Variants in PLCL2 observed in about 807,000 individuals in gnomAD.
PLCL2 encodes the protein inactive phospholipase C-like protein 2.
A neutral mutation model predicts 79.6 loss-of-function variants in PLCL2; 4 were observed. The ratio of observed to expected loss-of-function variants is 0.05; its 90% confidence interval spans 0.02 to 0.11. The LOEUF is 0.11. Among genes scored for constraint, PLCL2 ranks in the 10% least tolerant of loss-of-function variants. The probability of loss-of-function intolerance (pLI) is 1.00; values close to 1 mark genes in which losing one functional copy is unlikely to be tolerated. For synonymous variants in PLCL2, 484 were observed against 457.7 expected, an observed-to-expected ratio of 1.06 and a Z score of -0.73; for missense variants, 895 against 1,291.0, an observed-to-expected ratio of 0.69 and a Z score of 4.70.
In PLCL2 at chr3:17,010,592, A is replaced by G; in HGVS notation, c.1246A>G (p.Ile416Val). The G allele has an allele frequency of 1.2e-6, 2 of 1,614,188 alleles. No individual in the cohort carries two copies. The highest frequency in any genetic ancestry group is 1.7e-6 in the Non-Finnish European group (2 of 1,180,024). Residue 416 changes from isoleucine (I) to valine (V), a missense_variant, in exon 2 of 6, where the codon ATA becomes GTA. Ile to Val is a conservative substitution (Grantham distance 29). This residue lies in a region of PLCL2 where 242 missense variants were observed against 399.5 expected (regional missense o/e 0.61). Coordinates refer to ENST00000615277, the MANE Select transcript of PLCL2 (RefSeq NM_001144382.2). The surrounding 1 kb of genome is among the most constrained non-coding windows in gnomAD (Gnocchi z 5.8). ...TTACCTTATGTCACCTGACTGTTAT[A>G]TATTCGATCCAGAACATAAGAAGGT... The part of the protein sequence containing the change: ...TNYLMSPDCY[I>V]FDPEHKKVCQ...
At chr3:17,001,320 C>T (rs2064208902) in intron 1 of PLCL2, among the ~76,000 whole-genome samples, 1 of 152,010 alleles carries the variant, frequency 6.6e-6, no homozygotes, top group African/African-American at 2.4e-5. Flanking sequence ...TCTGTAGACT[C>T]TCTCTTTTCA....
At chr3:16,946,519 G>A (rs2063601839) in intron 1 of PLCL2, among the ~76,000 whole-genome samples, 1 of 152,010 alleles carries the variant, frequency 6.6e-6, no homozygotes, top group Non-Finnish European at 1.5e-5. Context: ...TTACATTGTG[G>A]ATTAAATAGG....
At position 17,007,713 on chromosome 3, in the gene PLCL2, G is replaced by C. The variant is rs1012645751; in HGVS notation, c.328-1961G>C. Among the ~76,000 whole-genome samples, 82 of 152,200 alleles carry C rather than the reference G, an allele frequency of 5.4e-4. 3 individuals are homozygous for C. The highest frequency in any genetic ancestry group is 1.1e-3 in the Non-Finnish European group (73 of 68,040). On this transcript the variant is annotated intron_variant, in intron 1 of 5. Transcript: ENST00000615277. ...AAAGTGGTTTTAAATTTCAGAGATA[G>C]AGTATAGCATAATAGCTTTTTAAAA...
At chr3:16,946,462 A>G (rs1046423335) in intron 1 of PLCL2, among the ~76,000 whole-genome samples, 1 of 152,064 alleles carries the variant, frequency 6.6e-6, no homozygotes, top group Non-Finnish European at 1.5e-5. Flanking sequence ...TAGTATTTCA[A>G]CAGTAATTTT....
chr3:16,991,068 G>T (rs535366801), intron 1 of PLCL2, among the ~76,000 whole-genome samples: 114 of 152,270 alleles, frequency 7.5e-4, no homozygotes, highest in African/African-American at 2.6e-3. Context: ...CCCATTCCCC[G>T]GCTTTGCCCT....
At chr3:16,933,211 C>T (rs1284593360) in intron 1 of PLCL2, 2 of 154,828 alleles carry the variant, frequency 1.3e-5, no homozygotes, top group African/African-American at 2.4e-5. Flanking sequence ...CAGCAGTGCT[C>T]CCCTGTGACG....
chr3:17,037,469 GT>G (rs575499155), intron 3 of PLCL2, among the ~76,000 whole-genome samples: 1 of 152,252 alleles, frequency 6.6e-6, no homozygotes, highest in Middle Eastern at 3.4e-3. Context: ...AAAGAACAAA[GT>G]TTTTTTACTG....
chr3:16,978,252 G>T (rs1230916191), intron 1 of PLCL2, among the ~76,000 whole-genome samples: 2 of 152,188 alleles, frequency 1.3e-5, no homozygotes, highest in Non-Finnish European at 2.9e-5. Flanking sequence ...ATTGTTGAGA[G>T]GTGGACAACT....
intron 1 of PLCL2, among the ~76,000 whole-genome samples, chr3:16,897,237 T>A (rs1235552266): frequency 5.9e-5 from 9 of 151,860 alleles, no homozygotes; most frequent in Admixed American, 5.9e-4. Context: ...ATTTTATATG[T>A]GAAAATGACA....
intron 3 of PLCL2, among the ~76,000 whole-genome samples, chr3:17,037,409 T>C (rs2064669334): frequency 6.6e-6 from 1 of 152,218 alleles, no homozygotes; most frequent in African/African-American, 2.4e-5. Context: ...TTTTTTGAGT[T>C]TGGAAAGATA....
chr3:17,049,672 T>A (rs1249981696), intron 4 of PLCL2, among the ~76,000 whole-genome samples: 1 of 151,918 alleles, frequency 6.6e-6, no homozygotes, highest in Non-Finnish European at 1.5e-5. Context: ...TGAAAGAAAT[T>A]AAAGAGGGCA....
At chr3:16,896,962 G>T (rs1696496377) in intron 1 of PLCL2, among the ~76,000 whole-genome samples, 1 of 152,264 alleles carries the variant, frequency 6.6e-6, no homozygotes, top group Middle Eastern at 3.4e-3. Flanking sequence ...TATAGCCAGG[G>T]TTAACAACAG....
intron 1 of PLCL2, among the ~76,000 whole-genome samples, chr3:16,932,449 A>T (rs1167726307): frequency 1.3e-5 from 2 of 152,216 alleles, no homozygotes; most frequent in Non-Finnish European, 2.9e-5. Context: ...TGTCTTAGAT[A>T]ATATTGAATT....
At chr3:17,079,996 G>A (rs1338632317) in intron 5 of PLCL2, among the ~76,000 whole-genome samples, 3 of 152,230 alleles carry the variant, frequency 2.0e-5, no homozygotes, top group African/African-American at 2.4e-5. Context: ...TCTCCTTTCC[G>A]CTCCTGCACA....
At chr3:17,059,741 G>A (rs1207647613) in intron 4 of PLCL2, among the ~76,000 whole-genome samples, 4 of 152,128 alleles carry the variant, frequency 2.6e-5, no homozygotes, top group African/African-American at 9.7e-5. Flanking sequence ...CTGAGAAGGG[G>A]AGGGAAACAA....
intron 1 of PLCL2, among the ~76,000 whole-genome samples, chr3:16,924,504 G>C (rs1334120732): frequency 2.6e-5 from 4 of 152,186 alleles, no homozygotes; most frequent in Non-Finnish European, 5.9e-5. Context: ...TGAACCAGCA[G>C]TTTACAACTC....
intron 5 of PLCL2, among the ~76,000 whole-genome samples, chr3:17,089,157 G>A (rs1467845379): frequency 6.6e-6 from 1 of 152,172 alleles, no homozygotes; most frequent in African/African-American, 2.4e-5. Flanking sequence ...CTGGTGCAGT[G>A]CTGTGCCTTG....
chr3:16,951,973 A>G (rs1320552809), intron 1 of PLCL2, among the ~76,000 whole-genome samples: 1 of 151,906 alleles, frequency 6.6e-6, no homozygotes, highest in Non-Finnish European at 1.5e-5. Flanking sequence ...ATCTGATGAG[A>G]CCCTGGTGCC....
intron 1 of PLCL2, among the ~76,000 whole-genome samples, chr3:16,964,944 C>T (rs1214997413): frequency 6.6e-6 from 1 of 152,092 alleles, no homozygotes; most frequent in African/African-American, 2.4e-5. Flanking sequence ...AAGTAGATTG[C>T]AAAAATGTTC....
Sources: allele counts gnomAD v4.1 joint callset (sites outside exome capture counted in the v4.1 genomes callset), GRCh38; gene constraint gnomAD v4.1.1; regional missense constraint gnomAD v4.1.1; non-coding constraint Gnocchi (gnomAD v3.1); transcripts MANE v1.5; gene names NCBI Gene and HGNC (gene_info 2026-07-23, HGNC 2026-07-21).